Variants in IQCJ observed in about 807,000 individuals in gnomAD.
IQCJ encodes the protein IQ domain-containing protein J.
Under a neutral mutation model 11.0 loss-of-function variants are expected in IQCJ, and 9 were observed. The ratio of observed to expected loss-of-function variants is 0.82; its 90% CI spans 0.49 to 1.43. The LOEUF (loss-of-function observed/expected upper bound fraction) is 1.43, where lower values mean the gene tolerates loss of function less well. IQCJ is among the 40% of genes most tolerant of loss of function. IQCJ has a pLI of 0.00. For synonymous variants in IQCJ, 55 were observed against 51.3 expected, an observed-to-expected ratio of 1.07 and a Z score of -0.31; for missense variants, 146 against 133.2, an observed-to-expected ratio of 1.10 and a Z score of -0.47.
chr3:159,226,083 G>C (rs548889732), intron 1 of IQCJ, among the ~76,000 whole-genome samples: 1 of 152,296 alleles, frequency 6.6e-6, no homozygotes, highest in South Asian at 2.1e-4. Flanking sequence ...CACCCTCCAA[G>C]CACCTCCAAG....
Position 159,101,228 on chromosome 3 carries a change from C to G in IQCJ, c.9+31787C>G, listed in dbSNP as rs989006756. Among the ~76,000 whole-genome samples the G allele has an allele frequency of 4.0e-5, 6 of 148,420 alleles. 1 individual carries two copies. The highest frequency in any genetic ancestry group is 5.9e-5 in the Non-Finnish European group (4 of 67,266). ...GGCAATGCCTCGCCCTGCTTCGGCT[C>G]GCGCACGGTGCGCACACACACTGGC... On this transcript the variant is annotated intron_variant, in intron 1 of 3. Coordinates refer to ENST00000397832, the MANE Select transcript of IQCJ (RefSeq NM_001042706.3).
intron 1 of IQCJ, among the ~76,000 whole-genome samples, chr3:159,118,693 G>A (rs965825881): frequency 6.6e-6 from 1 of 152,058 alleles, no homozygotes; most frequent in African/African-American, 2.4e-5. Context: ...CTTCTGTGTA[G>A]GTCTGTAAAT....
chr3:159,225,711 G>C (rs556951962), intron 1 of IQCJ, among the ~76,000 whole-genome samples: 4 of 150,578 alleles, frequency 2.7e-5, no homozygotes, highest in African/African-American at 9.8e-5. Flanking sequence ...ACACCAACTC[G>C]GTTCATTCAA....
chr3:159,211,866 C>T (rs1165586083), intron 1 of IQCJ, among the ~76,000 whole-genome samples: 1 of 151,846 alleles, frequency 6.6e-6, no homozygotes, highest in Non-Finnish European at 1.5e-5. Context: ...ATTATCAAAA[C>T]TGGAGTCAAA....
chr3:159,126,188 G>T (rs1254462149), intron 1 of IQCJ, among the ~76,000 whole-genome samples: 2 of 152,160 alleles, frequency 1.3e-5, no homozygotes, highest in African/African-American at 2.4e-5. Context: ...GCTTTGAAAT[G>T]GATGGGTGAG....
intron 1 of IQCJ, among the ~76,000 whole-genome samples, chr3:159,092,699 A>AACACACACACACAC (rs57083405): frequency 0.13 from 17,906 of 141,370 alleles, 1,268 homozygotes; most frequent in Middle Eastern, 0.2. Flanking sequence ...CTCCATCACA[A>AACACACACACACAC]ACACACACAC....
At position 159,074,798 on chromosome 3, in the gene IQCJ, T is replaced by G. The variant is rs140180303; in HGVS notation, c.9+5357T>G. On this transcript the variant is annotated intron_variant, in intron 1 of 3. Transcript: ENST00000397832. ...CTTACAGCCAGTTTGAGTAACGAAT[T>G]ATTATTATATTTTATTTTTTAAGAA... Among the ~76,000 whole-genome samples the G allele has an allele frequency of 2.2e-3, 335 of 152,224 alleles. 1 individual carries two copies. Among genetic ancestry groups the G allele is most frequent in the African/African-American group, 7.9e-3 (327 of 41,548 alleles).
intron 3 of IQCJ, among the ~76,000 whole-genome samples, chr3:159,260,285 T>A (rs1358553550): frequency 6.6e-6 from 1 of 152,132 alleles, no homozygotes; most frequent in African/African-American, 2.4e-5. Flanking sequence ...AAATGTAGTA[T>A]CTCAAATGGC....
intron 3 of IQCJ, among the ~76,000 whole-genome samples, chr3:159,259,581 T>C (rs1184485284): frequency 6.6e-6 from 1 of 152,178 alleles, no homozygotes; most frequent in African/African-American, 2.4e-5. Flanking sequence ...TACAGTAAAA[T>C]AACATCTGGA....
At chr3:159,239,589 A>C (rs1726790080) in intron 1 of IQCJ, among the ~76,000 whole-genome samples, 1 of 152,226 alleles carries the variant, frequency 6.6e-6, no homozygotes, top group Non-Finnish European at 1.5e-5. Flanking sequence ...CCTAAAAATT[A>C]ACCTTTGGTT....
chr3:159,140,174 T>G (rs1205987425), intron 1 of IQCJ, among the ~76,000 whole-genome samples: 1 of 152,116 alleles, frequency 6.6e-6, no homozygotes, highest in East Asian at 1.9e-4. Flanking sequence ...AAGTCCATAG[T>G]TTACATTAGG....
At chr3:159,101,597 C>G (rs538932800) in intron 1 of IQCJ, among the ~76,000 whole-genome samples, 1 of 152,218 alleles carries the variant, frequency 6.6e-6, no homozygotes, top group African/African-American at 2.4e-5. Context: ...TGCACCTCAT[C>G]TTTGCCAACA....
At chr3:159,264,027 G>C (rs1728366364), downstream of IQCJ, among the ~76,000 whole-genome samples, 1 of 152,238 alleles carries the variant, frequency 6.6e-6, no homozygotes. Context: ...GAATGTTTAA[G>C]ATGTCTTTGC....
chr3:159,236,268 GAAAAAA>G (rs35351745), intron 1 of IQCJ, among the ~76,000 whole-genome samples: 1 of 113,102 alleles, frequency 8.8e-6, no homozygotes, highest in Non-Finnish European at 1.7e-5. Flanking sequence ...TGCTCCTTTT[GAAAAAA>G]AAAAAAAAAA....
At chr3:159,118,656 G>T (rs1313036843) in intron 1 of IQCJ, among the ~76,000 whole-genome samples, 1 of 152,162 alleles carries the variant, frequency 6.6e-6, no homozygotes, top group Non-Finnish European at 1.5e-5. Flanking sequence ...TTAATAATGA[G>T]CTATACTGCT....
At chr3:159,264,578 G>A (rs541238706), downstream of IQCJ, among the ~76,000 whole-genome samples, 1 of 152,140 alleles carries the variant, frequency 6.6e-6, no homozygotes, top group African/African-American at 2.4e-5. Flanking sequence ...GTGCTCATGT[G>A]CTGAGGATGA....
At chr3:159,168,760 C>T (rs938223888) in intron 1 of IQCJ, among the ~76,000 whole-genome samples, 1 of 151,944 alleles carries the variant, frequency 6.6e-6, no homozygotes, top group Non-Finnish European at 1.5e-5. Context: ...TATTCCATAA[C>T]ATTCATTGGT....
chr3:159,200,555 T>C (rs1724268575), intron 1 of IQCJ, among the ~76,000 whole-genome samples: 1 of 152,064 alleles, frequency 6.6e-6, no homozygotes. Flanking sequence ...CCTGGAGACC[T>C]AGGAAGCAGA....
intron 1 of IQCJ, among the ~76,000 whole-genome samples, chr3:159,119,761 A>G (rs954971947): frequency 1.3e-5 from 2 of 152,192 alleles, no homozygotes. Context: ...CAGAACTTCA[A>G]TACTGAGCCT....
Sources: gnomAD v4.1 joint callset for allele counts (sites outside exome capture counted in the v4.1 genomes callset) on GRCh38, gnomAD v4.1.1 for gene constraint, MANE v1.5 for transcripts, NCBI Gene and HGNC (gene_info 2026-07-23, HGNC 2026-07-21) for gene names.